RNF31: variants seen among roughly 807,000 people sequenced by gnomAD.
RNF31 encodes ring finger protein 31, also known as E3 ubiquitin-protein ligase RNF31.
Under a neutral mutation model 133.6 loss-of-function variants are expected in RNF31, and 38 were observed. The ratio of observed to expected loss-of-function variants is 0.28; its 90% CI spans 0.22 to 0.37. The LOEUF is 0.37. RNF31 is among the 10% of genes least tolerant of loss of function. The pLI is 1.00. For synonymous variants in RNF31, 582 were observed against 552.3 expected, an observed-to-expected ratio of 1.05 and a Z score of -0.75; for missense variants, 1,118 against 1,394.1, an observed-to-expected ratio of 0.80 and a Z score of 3.15.
Position 24,148,630 on chromosome 14 carries a change from GTAT to G in RNF31, c.496-7_496-5del, listed in dbSNP as rs1211697538. The G allele has an allele frequency of 6.2e-7, 1 of 1,614,104 alleles. No individual in the cohort carries two copies. Among genetic ancestry groups the G allele is most frequent in the Middle Eastern group, 1.6e-4 (1 of 6,062 alleles). ...GTCTAGCTGGAAACCGTTTTTATCT[GTAT>G]TATTGCAGAATACTCATCCAAGACA... On this transcript the variant is annotated splice_polypyrimidine_tract_variant and intron_variant, in intron 3 of 20. Coordinates refer to ENST00000324103, the MANE Select transcript of RNF31 (RefSeq NM_017999.5).
intron 11 of RNF31, among the ~76,000 whole-genome samples, chr14:24,154,524 C>T (rs772528288): frequency 8.5e-5 from 13 of 152,162 alleles, no homozygotes; most frequent in Non-Finnish European, 1.9e-4. Flanking sequence ...GTGATGCGCC[C>T]GCCTTGGCTT....
chr14:24,159,008 G>A (rs1207298606), intron 18 of RNF31, among the ~76,000 whole-genome samples: 1 of 130,278 alleles, frequency 7.7e-6, no homozygotes, highest in African/African-American at 3.1e-5. Context: ...ACTCCAGCCT[G>A]GGCAACAGAG....
chr14:24,155,392 C>T lies in RNF31; in HGVS notation c.2305-22C>T, dbSNP rs1420552443. The T allele has an allele frequency of 6.2e-7, 1 of 1,614,002 alleles. No homozygotes were observed. Among genetic ancestry groups the T allele is most frequent in the Non-Finnish European group, 8.5e-7 (1 of 1,179,968 alleles). On this transcript the variant is annotated intron_variant, in intron 12 of 20. Coordinates refer to ENST00000324103, the MANE Select transcript of RNF31 (RefSeq NM_017999.5). This position sits in a 1 kb window ranked among gnomAD's most constrained non-coding sequence, Gnocchi z 4.9. ...TTTGAACAGGGACCCTCCCACCCACCACCTCTGCATCCTGTCCCCAGCTTC... is the reference window on the plus strand; with the variant it reads ...TTTGAACAGGGACCCTCCCACCCACTACCTCTGCATCCTGTCCCCAGCTTC...
chr14:24,160,013 A>G lies in RNF31; in HGVS notation c.2996+53A>G. The G allele has an allele frequency of 3.2e-6, 5 of 1,548,812 alleles. No individual in the cohort carries two copies. The highest frequency in any genetic ancestry group is 4.4e-6 in the Non-Finnish European group (5 of 1,128,346). Reference sequence around the variant, plus strand: ...TGTTGGGCAGTGGGTAGAAGTGGTGAGGGCATGCCCAGGCAGTAAAATGGG... The same window carrying G: ...TGTTGGGCAGTGGGTAGAAGTGGTGGGGGCATGCCCAGGCAGTAAAATGGG... On this transcript the variant is annotated intron_variant, in intron 19 of 20. Coordinates refer to ENST00000324103, the MANE Select transcript of RNF31 (RefSeq NM_017999.5). This position sits in a 1 kb window ranked among gnomAD's most constrained non-coding sequence, Gnocchi z 4.0.
At chr14:24,154,074 C>T (rs554710466) in intron 11 of RNF31, among the ~76,000 whole-genome samples, 84 of 152,298 alleles carry the variant, frequency 5.5e-4, no homozygotes, top group African/African-American at 2.0e-3. Context: ...TGGCTCACTG[C>T]AACCTCTGCC....
rs1445075161 is a variant in RNF31 at position 24,158,972 on chromosome 14, G to A, written c.2899+773G>A. Among the ~76,000 whole-genome samples the A allele has an allele frequency of 7.9e-5, 11 of 139,844 alleles. No homozygotes were observed. The Admixed American group carries it at 8.7e-4, about 11-fold the overall frequency. The allele number at this position is 139,844 out of a possible 152,430, so 91.7% of individuals were successfully genotyped here. Reference sequence around the variant, plus strand: ...GGCATGAACCCGGGAGGCGGAGCTTGCAGTGAGCAGAGATGGCGCCACCGC... The same window carrying A: ...GGCATGAACCCGGGAGGCGGAGCTTACAGTGAGCAGAGATGGCGCCACCGC... On this transcript the variant is annotated intron_variant, in intron 18 of 20. Transcript: ENST00000324103.
Position 24,155,067 on chromosome 14 carries a change from G to T in RNF31, c.2131-90G>T. 1 of 1,320,818 alleles carries T rather than the reference G, an allele frequency of 7.6e-7. No individual in the cohort carries two copies. The allele number at this position is 1,320,818 out of a possible 1,614,324, so 81.8% of individuals were successfully genotyped here. ...CCTGCCCAGTTGTTAATTAGACCCT[G>T]ATTTCTTAGTGGACACCTGGCCACT... On this transcript the variant is annotated intron_variant, in intron 11 of 20. Transcript: ENST00000324103. This position sits in a 1 kb window ranked among gnomAD's most constrained non-coding sequence, Gnocchi z 4.9.
chr14:24,155,446 G>C lies in RNF31; in HGVS notation c.2337G>C (p.Ala779=). 1 of 1,614,182 alleles carries C rather than the reference G, an allele frequency of 6.2e-7. No homozygotes were observed. Among genetic ancestry groups the C allele is most frequent in the Non-Finnish European group, 8.5e-7 (1 of 1,180,040 alleles). ...LRESLEPDAY[A]LFHKKLTEGV... ...AGAGCCTAGAGCCAGATGCCTATGC[G>C]TTGTTCCATAAGAAGCTGACCGAGG... Residue 779 remains alanine (A), a synonymous_variant, in exon 13 of 21, where the codon GCG becomes GCC. Coordinates refer to ENST00000324103, the MANE Select transcript of RNF31 (RefSeq NM_017999.5). The surrounding 1 kb of genome is among the most constrained non-coding windows in gnomAD (Gnocchi z 4.9).
At chr14:24,156,372 A>G (rs1566616278) in intron 14 of RNF31, among the ~76,000 whole-genome samples, 1 of 152,204 alleles carries the variant, frequency 6.6e-6, no homozygotes, top group Non-Finnish European at 1.5e-5. Context: ...TGGTGCAGTC[A>G]CAGCTCACTG....
chr14:24,147,625 G>A lies in RNF31; in HGVS notation c.-74G>A. On this transcript the variant is annotated 5_prime_UTR_variant, in exon 1 of 21. Coordinates refer to ENST00000324103, the MANE Select transcript of RNF31 (RefSeq NM_017999.5). ...CAAAGCCGGGCACCAGACGGGAGGG[G>A]CGGCGCTCGGGCCGCGCGCTGCCCG... 7.6e-7 allele frequency: 1 copy of A among 1,314,646 alleles called. No homozygotes were observed. Among genetic ancestry groups the A allele is most frequent in the Non-Finnish European group, 9.8e-7 (1 of 1,023,670 alleles). 81.4% of individuals were successfully genotyped at this position (1,314,646 alleles called of 1,614,324 possible).
chr14:24,147,779 G>A lies in RNF31; in HGVS notation c.81G>A (p.Gln27=). 1 of 1,583,922 alleles carries A rather than the reference G, an allele frequency of 6.3e-7. No homozygotes were observed. Reference sequence around the variant, plus strand: ...GCGCCCTGAGGAGGGATTCCGGGCAGGCGTTTTCCCTGGAGCAGCTCCGGC... The same window carrying A: ...GCGCCCTGAGGAGGGATTCCGGGCAAGCGTTTTCCCTGGAGCAGCTCCGGC... The part of the protein sequence containing the change: ...LASALRRDSG[Q]AFSLEQLRPL... The change falls in exon 1 of 21, where the codon CAG becomes CAA. Residue 27 remains glutamine, a synonymous_variant. Transcript: ENST00000324103.
At position 24,150,195 on chromosome 14, in the gene RNF31, C is replaced by T; in HGVS notation, c.944C>T (p.Pro315Leu). 6.2e-7 allele frequency: 1 copy of T among 1,614,178 alleles called. No homozygotes were observed. Among genetic ancestry groups the T allele is most frequent in the Non-Finnish European group, 8.5e-7 (1 of 1,180,010 alleles). ...GCTGCCTGTGCCATGCTAAATGAGC[C>T]TTGGGCAGTGCTCTGTGTGGCCTGT... ...HCAACAMLNE[P>L]WAVLCVACDR... is the part of the protein sequence containing the mutation. The change falls in exon 7 of 21, where the codon CCT becomes CTT. Residue 315 changes from proline (P) to leucine (L), a missense_variant. Coordinates refer to ENST00000324103, the MANE Select transcript of RNF31 (RefSeq NM_017999.5).
Position 24,149,586 on chromosome 14 carries a change from G to A in RNF31, c.809+3G>A, listed in dbSNP as rs2139077859. On this transcript the variant is annotated splice_donor_region_variant and intron_variant, in intron 6 of 20. Transcript: ENST00000324103. The stretch of plus-strand genomic sequence containing the variant: ...CAGGGTACCCACCTGAGCCCCAGGT[G>A]AGAGGGCTTCTCTTCTGGGTGGGAG... The A allele has an allele frequency of 1.2e-6, 2 of 1,611,430 alleles. No homozygotes were observed. Among genetic ancestry groups the A allele is most frequent in the South Asian group, 2.2e-5 (2 of 91,016 alleles).
chr14:24,157,026 G>T (rs922782056), intron 14 of RNF31, among the ~76,000 whole-genome samples: 2 of 152,170 alleles, frequency 1.3e-5, no homozygotes, highest in Non-Finnish European at 2.9e-5. Flanking sequence ...TGGTGGCCTG[G>T]AGTAAAGTGG....
In RNF31 at chr14:24,150,206, C is replaced by T. The variant is rs746375574; in HGVS notation, c.955C>T (p.Leu319Phe). 6.2e-7 allele frequency: 1 copy of T among 1,614,212 alleles called. No individual in the cohort carries two copies. The highest frequency in any genetic ancestry group is 2.2e-5 in the East Asian group (1 of 44,890). Reference sequence around the variant, plus strand: ...CATGCTAAATGAGCCTTGGGCAGTGCTCTGTGTGGCCTGTGATCGGCCCCG... The same window carrying T: ...CATGCTAAATGAGCCTTGGGCAGTGTTCTGTGTGGCCTGTGATCGGCCCCG... ...CAMLNEPWAV[L>F]CVACDRPRGC... The change falls in exon 7 of 21, where the codon CTC becomes TTC. Residue 319 changes from leucine to phenylalanine, a missense_variant. Physicochemically the swap from Leu to Phe is conservative, Grantham distance 22 (BLOSUM62 0). Transcript: ENST00000324103.
In RNF31 at chr14:24,147,972, C is replaced by A. The variant is rs529178191; in HGVS notation, c.193-4C>A. ...TCACACCTCTCTGCTCTCCTTGCTC[C>A]CAGCCCCGAAACTACCTCAACACCC... On this transcript the variant is annotated splice_region_variant and splice_polypyrimidine_tract_variant and intron_variant, in intron 1 of 20. Coordinates refer to ENST00000324103, the MANE Select transcript of RNF31 (RefSeq NM_017999.5). The A allele has an allele frequency of 1.9e-6, 3 of 1,614,000 alleles. No individual in the cohort carries two copies. The highest frequency in any genetic ancestry group is 2.2e-5 in the South Asian group (2 of 91,076).
At chr14:24,152,249 A>G (rs749868562) in intron 11 of RNF31, among the ~76,000 whole-genome samples, 9 of 151,642 alleles carry the variant, frequency 5.9e-5, no homozygotes, top group Non-Finnish European at 1.2e-4. Context: ...CCCCCCTGCA[A>G]CCCCTCCACT....
chr14:24,160,535 G>A lies in RNF31; in HGVS notation c.3181G>A (p.Val1061Ile), dbSNP rs2277484. The change falls in exon 21 of 21, where the codon GTA becomes ATA. Residue 1061 changes from valine (V) to isoleucine (I), a missense_variant. This residue lies in a region of RNF31 where 170 missense variants were observed against 194.5 expected (regional missense o/e 0.87). Coordinates refer to ENST00000324103, the MANE Select transcript of RNF31 (RefSeq NM_017999.5). The surrounding 1 kb of genome is among the most constrained non-coding windows in gnomAD (Gnocchi z 4.0). ...CCTTCTGCAGAAGCTGACAGAAGAG[G>A]TACCCTTGGGACAGAGTATCCCCCG... The part of the protein sequence containing the change: ...ARLLQKLTEE[V>I]PLGQSIPRRR... 11,761 of 1,554,012 alleles carry A rather than the reference G, an allele frequency of 7.6e-3. 604 individuals carry two copies. The East Asian group carries it at 0.15, about 20-fold the overall frequency.
intron 6 of RNF31, 132 bp downstream of exon 6, chr14:24,149,715 A>G: frequency 2.1e-6 from 2 of 940,532 alleles, no homozygotes; most frequent in Middle Eastern, 2.4e-4. Context: ...ACCCTGAAAG[A>G]GATAATAGAC....
Sources: allele counts gnomAD v4.1 joint callset (sites outside exome capture counted in the v4.1 genomes callset), GRCh38; gene constraint gnomAD v4.1.1; regional missense constraint gnomAD v4.1.1; non-coding constraint Gnocchi (gnomAD v3.1); transcripts MANE v1.5; gene names NCBI Gene and HGNC (gene_info 2026-07-23, HGNC 2026-07-21).